Variants in DCAF1 observed in about 807,000 individuals in gnomAD.
DCAF1 encodes the protein DDB1- and CUL4-associated factor 1.
In DCAF1, 15 loss-of-function variants were observed where a neutral mutation model predicts 128.0. That is an observed-to-expected ratio of 0.12 (90% confidence interval 0.08 to 0.18). The LOEUF is 0.18. Ranked by LOEUF, DCAF1 falls within the 10% of genes least tolerant of loss-of-function variation. The pLI is 1.00. For missense variants in DCAF1, 988 were observed against 1,649.5 expected, an observed-to-expected ratio of 0.60 and a Z score of 6.95; for synonymous variants, 610 against 603.0, an observed-to-expected ratio of 1.01 and a Z score of -0.17.
intron 12 of DCAF1, among the ~76,000 whole-genome samples, chr3:51,428,242 C>T (rs1329650250): frequency 6.6e-6 from 1 of 151,354 alleles, no homozygotes; most frequent in Non-Finnish European, 1.5e-5. Context: ...AGTGCCATAG[C>T]CCGATCACGT....
chr3:51,490,522 T>C (rs1187425244), intron 2 of DCAF1, among the ~76,000 whole-genome samples: 1 of 152,186 alleles, frequency 6.6e-6, no homozygotes, highest in Non-Finnish European at 1.5e-5. Flanking sequence ...AAATTTTAAA[T>C]AACCTAAATA....
At chr3:51,448,445 C>T (rs1702072161) in intron 6 of DCAF1, among the ~76,000 whole-genome samples, 1 of 152,170 alleles carries the variant, frequency 6.6e-6, no homozygotes, top group Admixed American at 6.5e-5. Context: ...TGATCTTGAA[C>T]TCCTGGCCTC....
chr3:51,448,917 GT>G (rs1354350315), intron 6 of DCAF1, among the ~76,000 whole-genome samples: 31 of 148,836 alleles, frequency 2.1e-4, no homozygotes, highest in African/African-American at 3.7e-4. Context: ...GTTCTTTTAT[GT>G]TTTTTTTTTC....
chr3:51,494,433 A>AT (rs1326975826), intron 2 of DCAF1, among the ~76,000 whole-genome samples: 1 of 152,096 alleles, frequency 6.6e-6, no homozygotes, highest in African/African-American at 2.4e-5. Context: ...TTTTAAGGTG[A>AT]TAAAAATATT....
chr3:51,407,890 A>C (rs1698020516), intron 23 of DCAF1, among the ~76,000 whole-genome samples: 1 of 145,686 alleles, frequency 6.9e-6, no homozygotes, highest in Non-Finnish European at 1.5e-5. Context: ...AGGGAGGCTG[A>C]GGCAGATTTG....
chr3:51,432,550 C>T (rs1700484015), intron 10 of DCAF1, among the ~76,000 whole-genome samples: 1 of 151,890 alleles, frequency 6.6e-6, no homozygotes, highest in Non-Finnish European at 1.5e-5. Context: ...CCTCCGCCTC[C>T]TGGGTTCAAG....
chr3:51,407,172 A>C (rs931496462), intron 23 of DCAF1, among the ~76,000 whole-genome samples: 1 of 151,080 alleles, frequency 6.6e-6, no homozygotes, highest in Non-Finnish European at 1.5e-5. Flanking sequence ...AAAAAAAAAA[A>C]AAAAAAACAA....
chr3:51,436,056 G>A (rs942367439), intron 9 of DCAF1, among the ~76,000 whole-genome samples: 3 of 152,142 alleles, frequency 2.0e-5, no homozygotes, highest in Admixed American at 6.6e-5. Flanking sequence ...AGGATGATTC[G>A]GGGGCCTCTC....
downstream of DCAF1, chr3:51,396,210 G>C: frequency 3.0e-6 from 1 of 334,866 alleles, no homozygotes; most frequent in Non-Finnish European, 5.6e-6. Context: ...ACAGAACCAA[G>C]TAAAAGGAAA....
At chr3:51,500,808 CTGTCT>C (rs1559597195), upstream of DCAF1, among the ~76,000 whole-genome samples, 2 of 146,594 alleles carry the variant, frequency 1.4e-5, no homozygotes, top group African/African-American at 5.0e-5. Context: ...TCTTTTTTCT[CTGTCT>C]TTTTTTTTTT....
chr3:51,495,624 G>A (rs1050181221), intron 2 of DCAF1, among the ~76,000 whole-genome samples: 7 of 152,134 alleles, frequency 4.6e-5, no homozygotes, highest in Admixed American at 4.6e-4. Context: ...TGAGTGTGGT[G>A]GCTCACACCT....
intron 23 of DCAF1, among the ~76,000 whole-genome samples, chr3:51,412,109 T>TAAA (rs782087400): frequency 1.1e-3 from 33 of 29,454 alleles, no homozygotes; most frequent in African/African-American, 3.8e-3. Flanking sequence ...AACTCCATTC[T>TAAA]AAAAAAAAAA....
intron 23 of DCAF1, among the ~76,000 whole-genome samples, chr3:51,409,194 T>C (rs1405854594): frequency 1.3e-5 from 2 of 152,246 alleles, no homozygotes; most frequent in Non-Finnish European, 1.5e-5. Flanking sequence ...GTCTTTTCCC[T>C]GACCCAAGCC....
intron 3 of DCAF1, among the ~76,000 whole-genome samples, chr3:51,482,714 G>A (rs1317696051): frequency 2.1e-5 from 3 of 140,712 alleles, no homozygotes; most frequent in East Asian, 2.1e-4. Flanking sequence ...GCAGTGAGCC[G>A]AGATCGTGCC....
chr3:51,479,767 G>A (rs910740848), intron 3 of DCAF1, among the ~76,000 whole-genome samples: 3 of 152,094 alleles, frequency 2.0e-5, no homozygotes, highest in Non-Finnish European at 4.4e-5. Flanking sequence ...CTGCACTCCA[G>A]CCCAGGCAAC....
intron 10 of DCAF1, among the ~76,000 whole-genome samples, chr3:51,431,869 G>C (rs940297583): frequency 6.6e-6 from 1 of 152,040 alleles, no homozygotes; most frequent in Non-Finnish European, 1.5e-5. Flanking sequence ...TACTTGGGAG[G>C]CTGAAGTGGG....
At chr3:51,451,885 G>A (rs2107836062) in intron 6 of DCAF1, among the ~76,000 whole-genome samples, 1 of 151,732 alleles carries the variant, frequency 6.6e-6, no homozygotes, top group East Asian at 1.9e-4. Flanking sequence ...TTTTAAAAAA[G>A]AAATAAGTAA....
At chr3:51,438,575 A>T (rs891462945) in intron 9 of DCAF1, among the ~76,000 whole-genome samples, 8 of 152,248 alleles carry the variant, frequency 5.3e-5, no homozygotes, top group Non-Finnish European at 1.2e-4. Flanking sequence ...CAAAAATAAA[A>T]AGTTATTTTA....
At chr3:51,492,923 G>A (rs1392668621) in intron 2 of DCAF1, among the ~76,000 whole-genome samples, 2 of 152,012 alleles carry the variant, frequency 1.3e-5, no homozygotes, top group African/African-American at 4.8e-5. Flanking sequence ...GAACCCGGGA[G>A]GTGGAGCTTG....
Sources: allele counts gnomAD v4.1 joint callset (sites outside exome capture counted in the v4.1 genomes callset), GRCh38; gene constraint gnomAD v4.1.1; transcripts MANE v1.5; gene names NCBI Gene and HGNC (gene_info 2026-07-23, HGNC 2026-07-21).